Variants in NLGN1 observed in about 807,000 individuals in gnomAD.
NLGN1 encodes neuroligin 1.
In NLGN1, 12 loss-of-function variants were observed where a neutral mutation model predicts 65.5. The observed-to-expected ratio is 0.18, with a 90% confidence interval of 0.12 to 0.30. The LOEUF is 0.30. Ranked by LOEUF, NLGN1 falls within the 10% of genes least tolerant of loss-of-function variation. The probability of loss-of-function intolerance (pLI) is 1.00; values close to 1 mark genes in which losing one functional copy is unlikely to be tolerated. For synonymous variants in NLGN1, 350 were observed against 359.5 expected, an observed-to-expected ratio of 0.97 and a Z score of 0.30; for missense variants, 750 against 1,007.1, an observed-to-expected ratio of 0.74 and a Z score of 3.46.
At position 173,447,735 on chromosome 3, in the gene NLGN1, T is replaced by A. The variant is rs537329961; in HGVS notation, c.-321+12657T>A. Reference sequence around the variant, plus strand: ...TTTGTTTGTATCCTCTTTTATTTTATTGAGCAGTGGTTTGTAGTTCTCCTT... The same window carrying A: ...TTTGTTTGTATCCTCTTTTATTTTAATGAGCAGTGGTTTGTAGTTCTCCTT... On this transcript the variant is annotated intron_variant, in intron 2 of 6. Transcript: ENST00000457714. Among the ~76,000 whole-genome samples the A allele has an allele frequency of 1.2e-4, 18 of 152,342 alleles. No individual in the cohort carries two copies. In the East Asian group the frequency reaches 2.9e-3, roughly 24 times the overall value.
chr3:173,487,290 G>A (rs1356106197), intron 2 of NLGN1, among the ~76,000 whole-genome samples: 1 of 151,662 alleles, frequency 6.6e-6, no homozygotes, highest in South Asian at 2.1e-4. Context: ...AATTTTCTAA[G>A]CCTTGGTTTG....
chr3:174,117,032 G>A (rs573321515), intron 4 of NLGN1, among the ~76,000 whole-genome samples: 26 of 152,122 alleles, frequency 1.7e-4, no homozygotes, highest in East Asian at 7.7e-4. Context: ...AAAAGTTGGC[G>A]TGACAGATAT....
At chr3:173,543,178 T>C (rs1739183924) in intron 2 of NLGN1, among the ~76,000 whole-genome samples, 1 of 152,136 alleles carries the variant, frequency 6.6e-6, no homozygotes, top group South Asian at 2.1e-4. Flanking sequence ...AAAACTATGT[T>C]TTTGAACCAG....
At chr3:173,539,514 C>CATGTATATGTATATATACAT (rs1290933458) in intron 2 of NLGN1, among the ~76,000 whole-genome samples, 20 of 137,398 alleles carry the variant, frequency 1.5e-4, no homozygotes, top group Non-Finnish European at 3.1e-4. Flanking sequence ...TATGTATGTA[C>CATGTATATGTATATATACAT]ATGTATATGT....
At chr3:173,902,708 T>G (rs1737594530) in intron 4 of NLGN1, among the ~76,000 whole-genome samples, 1 of 152,098 alleles carries the variant, frequency 6.6e-6, no homozygotes, top group Non-Finnish European at 1.5e-5. Flanking sequence ...AGGCATGGAA[T>G]AGTGAATTTT....
intron 4 of NLGN1, among the ~76,000 whole-genome samples, chr3:174,118,576 A>G (rs150647857): frequency 6.6e-6 from 1 of 152,308 alleles, no homozygotes; most frequent in African/African-American, 2.4e-5. Context: ...CTTGTGGTAG[A>G]GAAGGAGCTA....
At chr3:173,736,866 A>G (rs1773856426) in intron 3 of NLGN1, among the ~76,000 whole-genome samples, 1 of 152,030 alleles carries the variant, frequency 6.6e-6, no homozygotes, top group Non-Finnish European at 1.5e-5. Context: ...TTAAAACTAT[A>G]TACATTTGCA....
At chr3:173,477,344 C>G (rs1395339127) in intron 2 of NLGN1, among the ~76,000 whole-genome samples, 1 of 152,000 alleles carries the variant, frequency 6.6e-6, no homozygotes, top group Non-Finnish European at 1.5e-5. Context: ...AATTCAAGAT[C>G]AGCCTTGGCA....
chr3:173,990,076 A>T (rs1368366464), intron 4 of NLGN1, among the ~76,000 whole-genome samples: 1 of 152,192 alleles, frequency 6.6e-6, no homozygotes, highest in Non-Finnish European at 1.5e-5. Context: ...TTGCCTTAGT[A>T]AGCAAGAAGT....
Position 174,257,739 on chromosome 3 carries a change from T to TATATATATATA in NLGN1, c.647-17576_647-17575insATATATATATA, listed in dbSNP as rs1358144371. ...TAGTGGAATATATATATATATATAT[T>TATATATATATA]TATTCAGCTTCTGTTTCCTGTAATT... is the stretch of plus-strand genomic sequence containing the variant. On this transcript the variant is annotated intron_variant, in intron 4 of 6. Transcript: ENST00000457714. Among the ~76,000 whole-genome samples, 32 of 150,880 alleles carry TATATATATATA rather than the reference T, an allele frequency of 2.1e-4. No individual in the cohort carries two copies. In the East Asian group the frequency reaches 3.5e-3, roughly 17 times the overall value.
chr3:173,935,873 A>G (rs576155321), intron 4 of NLGN1, among the ~76,000 whole-genome samples: 2 of 152,010 alleles, frequency 1.3e-5, no homozygotes, highest in Non-Finnish European at 2.9e-5. Context: ...TTATATCATG[A>G]GGGAAGTTGA....
At chr3:174,124,783 G>A (rs922001902) in intron 4 of NLGN1, among the ~76,000 whole-genome samples, 1 of 151,414 alleles carries the variant, frequency 6.6e-6, no homozygotes, top group African/African-American at 2.4e-5. Context: ...TTATGAATGA[G>A]CTAAATGCTG....
intron 2 of NLGN1, among the ~76,000 whole-genome samples, chr3:173,494,964 T>C (rs951121364): frequency 3.3e-5 from 5 of 151,830 alleles, no homozygotes; most frequent in African/African-American, 1.2e-4. Context: ...AACTTTGTTC[T>C]TTTACTAAAT....
chr3:173,540,036 C>T (rs1738565142), intron 2 of NLGN1, among the ~76,000 whole-genome samples: 1 of 151,488 alleles, frequency 6.6e-6, no homozygotes, highest in Admixed American at 6.6e-5. Context: ...CAGCTCAGAC[C>T]ACTTGGTAAT....
chr3:173,702,699 G>T (rs926465157), intron 3 of NLGN1, among the ~76,000 whole-genome samples: 1 of 152,266 alleles, frequency 6.6e-6, no homozygotes, highest in East Asian at 1.9e-4. Flanking sequence ...AAACATACTT[G>T]TGTATATTTT....
chr3:173,702,738 A>C (rs1767426952), intron 3 of NLGN1, among the ~76,000 whole-genome samples: 1 of 152,178 alleles, frequency 6.6e-6, no homozygotes, highest in Admixed American at 6.5e-5. Context: ...ATGACACTTC[A>C]CTGCGATGCC....
chr3:173,903,474 A>G (rs1737752364), intron 4 of NLGN1, among the ~76,000 whole-genome samples: 1 of 152,198 alleles, frequency 6.6e-6, no homozygotes, highest in Non-Finnish European at 1.5e-5. Context: ...TATCTGAAAT[A>G]TATTTATGTA....
chr3:173,725,976 G>A (rs1241661649), intron 3 of NLGN1, among the ~76,000 whole-genome samples: 1 of 152,116 alleles, frequency 6.6e-6, no homozygotes, highest in Non-Finnish European at 1.5e-5. Context: ...AAGGACAGCA[G>A]AAGAATCTCT....
intron 3 of NLGN1, among the ~76,000 whole-genome samples, chr3:173,639,679 A>G (rs987604704): frequency 1.3e-5 from 2 of 152,204 alleles, no homozygotes; most frequent in African/African-American, 4.8e-5. Flanking sequence ...AGAAATCCTG[A>G]GAGTCTCCCA....
Sources: gnomAD v4.1 joint callset for allele counts (sites outside exome capture counted in the v4.1 genomes callset) on GRCh38, gnomAD v4.1.1 for gene constraint, MANE v1.5 for transcripts, NCBI Gene and HGNC (gene_info 2026-07-23, HGNC 2026-07-21) for gene names.